ADAM32: variants seen among roughly 807,000 people sequenced by gnomAD.
ADAM32 encodes ADAM metallopeptidase domain 32.
In ADAM32, 89 loss-of-function variants were observed where a neutral mutation model predicts 114.9. The ratio of observed to expected loss-of-function variants is 0.77; its 90% CI spans 0.65 to 0.92. The LOEUF is 0.92. Among genes scored for constraint, ADAM32 ranks in the 40% least tolerant of loss-of-function variants. ADAM32 has a pLI of 0.00. For synonymous variants in ADAM32, 285 were observed against 307.5 expected (o/e 0.93, Z 0.77); for missense variants, 870 against 932.8 (o/e 0.93, Z 0.88).
At chr8:39,202,017 G>T (rs1447709373) in intron 11 of ADAM32, among the ~76,000 whole-genome samples, 5 of 152,178 alleles carry the variant, frequency 3.3e-5, no homozygotes, top group Admixed American at 2.0e-4. Context: ...TGTGCTGCTG[G>T]ATTTGGTTTG....
intron 1 of ADAM32, among the ~76,000 whole-genome samples, chr8:39,113,683 T>A (rs1265159568): frequency 6.6e-6 from 1 of 152,168 alleles, no homozygotes; most frequent in Non-Finnish European, 1.5e-5. Flanking sequence ...GCATGTATCT[T>A]ACTGAAACAT....
intron 1 of ADAM32, 91 bp from the exon 2 acceptor site, chr8:39,117,995 C>G (rs555795947): frequency 1.2e-6 from 1 of 845,164 alleles, no homozygotes; most frequent in East Asian, 3.1e-5. Flanking sequence ...CCACCCATAC[C>G]TGCACAAGTA....
intron 10 of ADAM32, among the ~76,000 whole-genome samples, chr8:39,173,566 T>G (rs1805322722): frequency 6.6e-6 from 1 of 152,136 alleles, no homozygotes; most frequent in Non-Finnish European, 1.5e-5. Context: ...AGATTAGACC[T>G]TTATGAGATG....
chr8:39,273,410 C>T (rs1452827671), intron 20 of ADAM32, among the ~76,000 whole-genome samples: 1 of 151,822 alleles, frequency 6.6e-6, no homozygotes, highest in East Asian at 1.9e-4. Context: ...GCCTGTAATC[C>T]CAGCTACTCA....
At chr8:39,222,566 A>G (rs1344910636) in intron 13 of ADAM32, among the ~76,000 whole-genome samples, 1 of 151,884 alleles carries the variant, frequency 6.6e-6, no homozygotes, top group African/African-American at 2.4e-5. Flanking sequence ...CTCTCCAAAG[A>G]CTCTCATAGT....
At chr8:39,226,033 A>G (rs1809346178) in intron 14 of ADAM32, among the ~76,000 whole-genome samples, 1 of 152,206 alleles carries the variant, frequency 6.6e-6, no homozygotes, top group Admixed American at 6.5e-5. Context: ...AACACAGAGA[A>G]ACAACATACA....
intron 6 of ADAM32, chr8:39,158,589 GA>G: frequency 3.1e-6 from 1 of 322,312 alleles, no homozygotes; most frequent in Non-Finnish European, 6.0e-6. Flanking sequence ...GACCAGTTTA[GA>G]AGGGTCATCA....
chr8:39,205,285 C>A (rs1192372806), intron 11 of ADAM32, among the ~76,000 whole-genome samples: 1 of 152,218 alleles, frequency 6.6e-6, no homozygotes, highest in African/African-American at 2.4e-5. Context: ...CCAGTTTGAG[C>A]TTCCAGGCAG....
intron 14 of ADAM32, among the ~76,000 whole-genome samples, chr8:39,228,675 T>C (rs924213635): frequency 5.9e-5 from 9 of 152,156 alleles, no homozygotes; most frequent in Non-Finnish European, 2.9e-5. Context: ...CCAAGAAGTC[T>C]GGGATTTTGT....
At chr8:39,165,438 A>G (rs75049665) in intron 9 of ADAM32, 80,756 of 311,432 alleles carry the variant, frequency 0.26, 11,377 homozygotes, top group Non-Finnish European at 0.29. Flanking sequence ...AGGTTAAGCC[A>G]TCTCAGGACT....
intron 19 of ADAM32, among the ~76,000 whole-genome samples, chr8:39,262,199 T>C (rs1744237401): frequency 6.6e-6 from 1 of 151,574 alleles, no homozygotes; most frequent in South Asian, 2.1e-4. Context: ...TTTGATCCGT[T>C]ATGAGTTTTT....
chr8:39,128,124 A>C (rs560974249), intron 2 of ADAM32, among the ~76,000 whole-genome samples: 3 of 152,218 alleles, frequency 2.0e-5, no homozygotes, highest in Non-Finnish European at 2.9e-5. Flanking sequence ...TGTGCTGTTA[A>C]AGTCTCCCAC....
intron 16 of ADAM32, among the ~76,000 whole-genome samples, chr8:39,239,637 A>G (rs79744628): frequency 0.054 from 8,186 of 152,268 alleles, 756 homozygotes; most frequent in African/African-American, 0.19. Context: ...GAATGGCAGA[A>G]TGTATAATAA....
At chr8:39,266,286 T>C (rs1046072621) in intron 19 of ADAM32, among the ~76,000 whole-genome samples, 1 of 152,252 alleles carries the variant, frequency 6.6e-6, no homozygotes, top group Non-Finnish European at 1.5e-5. Flanking sequence ...TCTTCATCTG[T>C]TTCAGGAATG....
chr8:39,201,534 C>T (rs370163234), intron 11 of ADAM32, among the ~76,000 whole-genome samples: 4 of 152,160 alleles, frequency 2.6e-5, no homozygotes, highest in East Asian at 1.9e-4. Flanking sequence ...TGGGCTGAGA[C>T]GTTGGGGTTT....
chr8:39,111,047 C>T (rs1433167218), intron 1 of ADAM32, among the ~76,000 whole-genome samples: 6 of 152,160 alleles, frequency 3.9e-5, no homozygotes, highest in African/African-American at 1.2e-4. Context: ...TTTCAAGGTT[C>T]GTCTCTGTTG....
At chr8:39,144,243 G>C (rs1803358981) in intron 3 of ADAM32, among the ~76,000 whole-genome samples, 1 of 152,186 alleles carries the variant, frequency 6.6e-6, no homozygotes, top group Non-Finnish European at 1.5e-5. Context: ...TGTTGATCCA[G>C]TCCCAGTGAG....
chr8:39,211,055 G>T, intron 11 of ADAM32, 89 bp from the exon 12 acceptor site: 1 of 1,142,420 alleles, frequency 8.8e-7, no homozygotes, highest in Non-Finnish European at 1.1e-6. Context: ...ACAGCCAATT[G>T]AATTTAACAT....
At chr8:39,186,651 T>A (rs962900779) in intron 10 of ADAM32, among the ~76,000 whole-genome samples, 2 of 152,180 alleles carry the variant, frequency 1.3e-5, no homozygotes, top group Non-Finnish European at 2.9e-5. Context: ...AATTTTTTTA[T>A]ATATTGATAC....
Sources: gnomAD v4.1 joint callset for allele counts (sites outside exome capture counted in the v4.1 genomes callset) on GRCh38, gnomAD v4.1.1 for gene constraint, MANE v1.5 for transcripts, NCBI Gene and HGNC (gene_info 2026-07-23, HGNC 2026-07-21) for gene names.